Variants in FHIT observed in about 807,000 individuals in gnomAD.
The protein encoded by FHIT is fragile histidine triad diadenosine triphosphatase.
A neutral mutation model predicts 17.9 loss-of-function variants in FHIT; 19 were observed. The ratio of observed to expected loss-of-function variants is 1.06; its 90% CI spans 0.74 to 1.56. FHIT has a LOEUF of 1.56. Among genes scored for constraint, FHIT ranks in the 40% most tolerant of loss-of-function variants. FHIT has a pLI of 0.00. For synonymous variants in FHIT, 81 were observed against 69.7 expected (o/e 1.16, Z -0.81); for missense variants, 248 against 189.2 (o/e 1.31, Z -1.82).
chr3:59,883,242 C>T (rs1399004562), intron 8 of FHIT, among the ~76,000 whole-genome samples: 1 of 152,130 alleles, frequency 6.6e-6, no homozygotes, highest in Non-Finnish European at 1.5e-5. Flanking sequence ...AATGTCACTA[C>T]ATTTTACTAT....
At chr3:60,624,590 C>G (rs1449971246) in intron 4 of FHIT, among the ~76,000 whole-genome samples, 1 of 152,206 alleles carries the variant, frequency 6.6e-6, no homozygotes, top group Admixed American at 6.5e-5. Context: ...GGAATGGAGT[C>G]TACCAAGAAG....
rs78783029 is a variant in FHIT, at chr3:59,868,998, T to C, written c.348+53348A>G. ...GGCAAGCCTGGTTACATTCCCATCC[T>C]GTTGGCTTGGAAAGGGGGATACTAT... On this transcript the variant is annotated intron_variant, in intron 8 of 9. Coordinates refer to ENST00000492590, the MANE Select transcript of FHIT (RefSeq NM_002012.4). Among the ~76,000 whole-genome samples the C allele has an allele frequency of 2.4e-3, 358 of 152,306 alleles. 9 individuals carry two copies. In the East Asian group the frequency reaches 0.058, roughly 25 times the overall value.
chr3:60,626,100 G>A (rs2039278160), intron 4 of FHIT, among the ~76,000 whole-genome samples: 1 of 152,076 alleles, frequency 6.6e-6, no homozygotes, highest in Non-Finnish European at 1.5e-5. Flanking sequence ...TTATTGTTAT[G>A]TCAGCACTAC....
intron 2 of FHIT, among the ~76,000 whole-genome samples, chr3:61,131,605 G>A (rs1380936011): frequency 1.3e-5 from 2 of 152,372 alleles, no homozygotes; most frequent in South Asian, 2.1e-4. Context: ...CAAGCTTGGA[G>A]AGTAGTGGCC....
At chr3:60,392,793 C>A (rs527330372) in intron 5 of FHIT, among the ~76,000 whole-genome samples, 1 of 152,098 alleles carries the variant, frequency 6.6e-6, no homozygotes, top group Non-Finnish European at 1.5e-5. Flanking sequence ...ATGGGTGGGG[C>A]CCAGTAAAAC....
chr3:60,569,755 A>ATATATATTTT lies in FHIT; in HGVS notation c.-17-32777_-17-32776insAAAATATATA. Among the ~76,000 whole-genome samples, 429 of 77,284 alleles carry ATATATATTTT rather than the reference A, an allele frequency of 5.6e-3. 9 individuals are homozygous for ATATATATTTT. The highest frequency in any genetic ancestry group is 0.01 in the African/African-American group (208 of 20,660). 50.7% of individuals were successfully genotyped at this position (77,284 alleles called of 152,430 possible). A position where few individuals can be genotyped will look rare whatever the true frequency, so the allele number is the denominator to read the frequency against. On this transcript the variant is annotated intron_variant, in intron 4 of 9. Coordinates refer to ENST00000492590, the MANE Select transcript of FHIT (RefSeq NM_002012.4). ...TATATATATATATATATATATATAT[A>ATATATATTTT]TTTTTTTTTTTTTTAGACAGAGTTT...
At chr3:61,064,888 A>C (rs928327311) in intron 2 of FHIT, among the ~76,000 whole-genome samples, 2 of 152,178 alleles carry the variant, frequency 1.3e-5, no homozygotes, top group Admixed American at 6.5e-5. Flanking sequence ...GCCCAAGTCT[A>C]ACACTTCCAT....
chr3:60,356,994 A>G (rs33978427), intron 5 of FHIT, among the ~76,000 whole-genome samples: 71,177 of 151,864 alleles, frequency 0.47, 17,500 homozygotes, highest in South Asian at 0.61. Flanking sequence ...AGCTCTTAAA[A>G]CAATAAGGTG....
chr3:60,499,075 G>A (rs2034417865), intron 5 of FHIT, among the ~76,000 whole-genome samples: 2 of 151,990 alleles, frequency 1.3e-5, no homozygotes, highest in Admixed American at 6.6e-5. Flanking sequence ...GCTTTGCTTC[G>A]AGATTCCATG....
At chr3:60,826,474 G>A (rs528735053) in intron 3 of FHIT, among the ~76,000 whole-genome samples, 2 of 152,190 alleles carry the variant, frequency 1.3e-5, no homozygotes, top group South Asian at 2.1e-4. Flanking sequence ...TTATAGGCAC[G>A]CACCACTACG....
chr3:60,475,268 G>T (rs143592493), intron 5 of FHIT, among the ~76,000 whole-genome samples: 7 of 152,220 alleles, frequency 4.6e-5, no homozygotes, highest in Non-Finnish European at 1.0e-4. Context: ...CAAAGCAAAG[G>T]TTAGGGGAGT....
chr3:60,737,380 T>TG (rs1266154814), intron 4 of FHIT, among the ~76,000 whole-genome samples: 2 of 152,226 alleles, frequency 1.3e-5, no homozygotes, highest in African/African-American at 4.8e-5. Context: ...AAACAAGAGT[T>TG]GGGCCATGAC....
chr3:59,955,097 A>G (rs78813685), intron 7 of FHIT, among the ~76,000 whole-genome samples: 1,683 of 152,280 alleles, frequency 0.011, 38 homozygotes, highest in African/African-American at 0.038. Context: ...CAACTGTAAT[A>G]TAGGAAAAAC....
At chr3:59,769,569 C>G (rs1701971873) in intron 8 of FHIT, among the ~76,000 whole-genome samples, 1 of 152,186 alleles carries the variant, frequency 6.6e-6, no homozygotes. Flanking sequence ...TATATAATTA[C>G]TTACCGCAAG....
At chr3:60,441,189 T>A (rs1412267756) in intron 5 of FHIT, among the ~76,000 whole-genome samples, 1 of 152,176 alleles carries the variant, frequency 6.6e-6, no homozygotes, top group Admixed American at 6.5e-5. Flanking sequence ...GGGACCTAAT[T>A]CTGAATGATT....
At chr3:59,901,379 C>G (rs549120685) in intron 8 of FHIT, among the ~76,000 whole-genome samples, 1 of 152,112 alleles carries the variant, frequency 6.6e-6, no homozygotes, top group Admixed American at 6.5e-5. Context: ...GGAGAGGTAT[C>G]ATGAGGATTA....
intron 7 of FHIT, among the ~76,000 whole-genome samples, chr3:59,956,605 T>G (rs1217554729): frequency 1.3e-5 from 2 of 151,828 alleles, no homozygotes; most frequent in Admixed American, 6.6e-5. Context: ...GAGGGAGAGG[T>G]TACCGTGAGC....
intron 4 of FHIT, among the ~76,000 whole-genome samples, chr3:60,579,095 C>T (rs2037669464): frequency 2.0e-5 from 3 of 152,120 alleles, no homozygotes; most frequent in Non-Finnish European, 2.9e-5. Context: ...AGCAAGCATA[C>T]CTGTACAGTC....
At chr3:60,390,560 G>A (rs1701187529) in intron 5 of FHIT, among the ~76,000 whole-genome samples, 1 of 152,020 alleles carries the variant, frequency 6.6e-6, no homozygotes, top group Admixed American at 6.6e-5. Context: ...TCCAGAAGAA[G>A]GCGTTGTTAT....
Sources: gnomAD v4.1 joint callset for allele counts (sites outside exome capture counted in the v4.1 genomes callset) on GRCh38, gnomAD v4.1.1 for gene constraint, MANE v1.5 for transcripts, NCBI Gene and HGNC (gene_info 2026-07-23, HGNC 2026-07-21) for gene names.